EPYC: variants seen among roughly 807,000 people sequenced by gnomAD.
The protein encoded by EPYC is epiphycan.
EPYC carries 28 observed loss-of-function variants against 30.1 expected under a neutral mutation model. That is an observed-to-expected ratio of 0.93 (90% CI 0.69 to 1.28). The LOEUF is 1.28. Among genes scored for constraint, EPYC ranks in the 50% most tolerant of loss-of-function variants. The probability of loss-of-function intolerance (pLI) is 0.00; values close to 1 mark genes in which losing one functional copy is unlikely to be tolerated. For synonymous variants in EPYC, 144 were observed against 141.4 expected, an observed-to-expected ratio of 1.02 and a Z score of -0.13; for missense variants, 382 against 383.5, an observed-to-expected ratio of 1.00 and a Z score of 0.03.
intron 2 of EPYC, among the ~76,000 whole-genome samples, chr12:90,995,923 C>T (rs1200232799): frequency 6.6e-6 from 1 of 151,774 alleles, no homozygotes; most frequent in Non-Finnish European, 1.5e-5. Context: ...GAGAGATTAG[C>T]TTTTATTTTT....
rs1281347719 is a variant in EPYC at position 90,964,266 on chromosome 12, T to C, written c.859A>G (p.Ile287Val). Residue 287 changes from isoleucine (I) to valine (V), a missense_variant, in exon 7 of 7, where the codon ATT becomes GTT. By Grantham distance (29) the Ile-to-Val change is conservative. Transcript: ENST00000261172. The part of the protein sequence containing the change: ...TFCNVKNLTY[I>V]RKALEDIRLD... Reference sequence around the variant, plus strand: ...CGAATGTCCTCTAGTGCCTTACGAATATAAGTCAAATTTTTAACATTGCAG... The same window carrying C: ...CGAATGTCCTCTAGTGCCTTACGAACATAAGTCAAATTTTTAACATTGCAG... 3 of 1,613,162 alleles carry C rather than the reference T, an allele frequency of 1.9e-6. No homozygotes were observed. Among genetic ancestry groups the C allele is most frequent in the South Asian group, 1.1e-5 (1 of 90,998 alleles).
intron 2 of EPYC, among the ~76,000 whole-genome samples, chr12:90,999,676 G>A (rs1327393886): frequency 1.3e-5 from 2 of 151,982 alleles, no homozygotes; most frequent in South Asian, 4.1e-4. Context: ...TGCTTACCAC[G>A]AGTCACTGAA....
chr12:90,998,040 C>G (rs1189297707), intron 2 of EPYC, among the ~76,000 whole-genome samples: 1 of 152,000 alleles, frequency 6.6e-6, no homozygotes, highest in Non-Finnish European at 1.5e-5. Flanking sequence ...ACTGTTTAAT[C>G]TTAGTCAAGT....
chr12:90,978,952 C>T (rs112456079), intron 2 of EPYC, among the ~76,000 whole-genome samples: 3,048 of 152,138 alleles, frequency 0.02, 96 homozygotes, highest in African/African-American at 0.069. Flanking sequence ...TTAAAATGGA[C>T]TTCTTTGAGA....
rs903422125 is a variant in EPYC at position 91,002,593 on chromosome 12, T to C, written c.-13-15A>G. 1.9e-6 allele frequency: 3 copies of C among 1,550,216 alleles called. No homozygotes were observed. Among genetic ancestry groups the C allele is most frequent in the African/African-American group, 2.8e-5 (2 of 71,832 alleles). Reference sequence around the variant, plus strand: ...TTCAAGCTTTCCTAATTATAAAATATTAAAATGCATAAATATTTAATTGAT... The same window carrying C: ...TTCAAGCTTTCCTAATTATAAAATACTAAAATGCATAAATATTTAATTGAT... On this transcript the variant is annotated splice_polypyrimidine_tract_variant and intron_variant, in intron 1 of 6. Coordinates refer to ENST00000261172, the MANE Select transcript of EPYC (RefSeq NM_004950.5).
At chr12:90,986,701 A>G (rs1877455925) in intron 2 of EPYC, among the ~76,000 whole-genome samples, 1 of 152,148 alleles carries the variant, frequency 6.6e-6, no homozygotes, top group African/African-American at 2.4e-5. Context: ...GTACCAACCT[A>G]GCATATACCT....
chr12:90,975,615 GC>G (rs1461236295), intron 3 of EPYC, among the ~76,000 whole-genome samples: 2 of 151,996 alleles, frequency 1.3e-5, no homozygotes, highest in African/African-American at 2.4e-5. Flanking sequence ...CTTGACTCAA[GC>G]TTTTGAAAGG....
At chr12:90,981,577 C>A (rs1220038515) in intron 2 of EPYC, among the ~76,000 whole-genome samples, 3 of 152,072 alleles carry the variant, frequency 2.0e-5, no homozygotes, top group African/African-American at 7.2e-5. Context: ...TGATGAAATT[C>A]ATTTGCCCCT....
chr12:90,971,855 A>G lies in EPYC; in HGVS notation c.647T>C (p.Ile216Thr), dbSNP rs1323481586. ...TCCAAGTCTATTGTTGCTAATATCA[A>G]TAAATGTCAAAGTGGTTGGCAATTC... ...LPELPTTLTF[I>T]DISNNRLGRK... is the part of the protein sequence containing the mutation. The change falls in exon 5 of 7, where the codon ATT becomes ACT. Residue 216 changes from isoleucine to threonine, a missense_variant. Coordinates refer to ENST00000261172, the MANE Select transcript of EPYC (RefSeq NM_004950.5). 5.6e-6 allele frequency: 9 copies of G among 1,612,416 alleles called. No homozygotes were observed. The highest frequency in any genetic ancestry group is 2.2e-5 in the South Asian group (2 of 90,874).
intron 2 of EPYC, among the ~76,000 whole-genome samples, chr12:90,999,457 G>A (rs1332789124): frequency 6.6e-6 from 1 of 151,882 alleles, no homozygotes; most frequent in Non-Finnish European, 1.5e-5. Flanking sequence ...TAAATTCTAG[G>A]CTGAAACAGG....
At chr12:90,989,093 A>G (rs76406769) in intron 2 of EPYC, among the ~76,000 whole-genome samples, 5,202 of 152,194 alleles carry the variant, frequency 0.034, 95 homozygotes, top group African/African-American at 0.047. Flanking sequence ...ACATGATTGT[A>G]GTTTGCAAAC....
chr12:90,978,355 C>G, intron 2 of EPYC, 93 bp from the exon 3 acceptor site: 1 of 1,265,352 alleles, frequency 7.9e-7, no homozygotes, highest in Non-Finnish European at 1.1e-6. Context: ...CCCATATTTG[C>G]CACAAGAGGA....
intron 1 of EPYC, 98 bp from the exon 2 acceptor site, chr12:91,002,676 C>T: frequency 2.2e-6 from 2 of 920,936 alleles, no homozygotes; most frequent in South Asian, 1.7e-5. Flanking sequence ...TATCAAAGAA[C>T]TCAAGCTGGT....
chr12:90,987,583 A>T (rs1294487447), intron 2 of EPYC, among the ~76,000 whole-genome samples: 2 of 152,176 alleles, frequency 1.3e-5, no homozygotes, highest in Non-Finnish European at 2.9e-5. Flanking sequence ...GACCTTCATT[A>T]TACATGCTAA....
intron 2 of EPYC, among the ~76,000 whole-genome samples, chr12:90,995,679 T>C (rs1182155515): frequency 2.0e-5 from 3 of 151,858 alleles, no homozygotes; most frequent in Non-Finnish European, 4.4e-5. Context: ...AATATAAATA[T>C]AAAGAAGTCA....
chr12:90,989,517 T>C (rs1192682309), intron 2 of EPYC, among the ~76,000 whole-genome samples: 1 of 152,048 alleles, frequency 6.6e-6, no homozygotes, highest in Non-Finnish European at 1.5e-5. Flanking sequence ...GTACATGCTT[T>C]TTTTTAAATC....
chr12:91,002,189 CAAAAAA>C (rs34987645), intron 2 of EPYC, among the ~76,000 whole-genome samples: 1 of 73,456 alleles, frequency 1.4e-5, no homozygotes, highest in Non-Finnish European at 2.4e-5. Context: ...GACACTGTCT[CAAAAAA>C]AAAAAAAAAA....
intron 5 of EPYC, 128 bp downstream of exon 5, chr12:90,971,672 C>CAATAAATAAATA (rs57567044): frequency 0.02 from 3,882 of 198,118 alleles, 84 homozygotes; most frequent in African/African-American, 0.052. Flanking sequence ...GACCCTATCT[C>CAATAAATAAATA]AATAAATAAA....
chr12:90,972,776 AG>A (rs1342961332), intron 4 of EPYC, 45 bp downstream of exon 4: 1 of 1,486,354 alleles, frequency 6.7e-7, no homozygotes, highest in East Asian at 2.4e-5. Context: ...AAAAATTTAA[AG>A]GAAGTGTGTA....
Sources: allele counts gnomAD v4.1 joint callset (sites outside exome capture counted in the v4.1 genomes callset), GRCh38; gene constraint gnomAD v4.1.1; transcripts MANE v1.5; gene names NCBI Gene and HGNC (gene_info 2026-07-23, HGNC 2026-07-21).